ARSA: variants seen among roughly 807,000 people sequenced by gnomAD.
ARSA encodes the protein arylsulfatase A.
In ARSA, 32 loss-of-function variants were observed where a neutral mutation model predicts 37.8. The observed-to-expected ratio is 0.85, with a 90% confidence interval of 0.64 to 1.14. The LOEUF is 1.14. Ranked by LOEUF, ARSA falls within the 50% of genes most tolerant of loss-of-function variation. The pLI is 0.00. For synonymous variants in ARSA, 303 were observed against 303.4 expected (o/e 1.00, Z 0.01); for missense variants, 685 against 686.3 (o/e 1.00, Z 0.02).
At chr22:50,625,893 G>C (rs1350691275) in intron 6 of ARSA, 43 bp downstream of exon 6, 2 of 1,562,220 alleles carry the variant, frequency 1.3e-6, no homozygotes, top group East Asian at 4.7e-5. Context: ...GGGAAGGCCA[G>C]GACAGGGGCC....
At position 50,627,356 on chromosome 22, in the gene ARSA, C is replaced by T. The variant is rs746410262; in HGVS notation, c.275G>A (p.Gly92Asp). The T allele has an allele frequency of 2.5e-6, 4 of 1,600,576 alleles. No individual in the cohort carries two copies. The highest frequency in any genetic ancestry group is 1.3e-5 in the African/African-American group (1 of 74,788). The change falls in exon 2 of 8, where the codon GGC becomes GAC. Residue 92 changes from glycine (G) to aspartate (D), a missense_variant. Gly to Asp is a moderately conservative substitution (Grantham distance 94, BLOSUM62 -1). Transcript: ENST00000216124. Reference protein sequence around the residue: ...RLPVRMGMYPGVLVPSSRGGL... With the variant: ...RLPVRMGMYPDVLVPSSRGGL... ...CCCCCGGGAGCTGGGCACCAGGACGCCAGGGTACATGCCCATCCGAACCGG... is the reference window on the plus strand; with the variant it reads ...CCCCCGGGAGCTGGGCACCAGGACGTCAGGGTACATGCCCATCCGAACCGG...
chr22:50,627,601 C>T lies in ARSA; in HGVS notation c.179G>A (p.Arg60Gln). The T allele has an allele frequency of 6.4e-7, 1 of 1,563,266 alleles. No individual in the cohort carries two copies. The highest frequency in any genetic ancestry group is 8.7e-7 in the Non-Finnish European group (1 of 1,153,422). The part of the protein sequence containing the change: ...NLDQLAAGGL[R>Q]FTDFYVPVSL... ...CACAGGCACGTAGAAGTCTGTGAAC[C>T]GCAGCCCTCCCGCCGCCAGCTGGTC... Residue 60 changes from arginine (R) to glutamine (Q), a missense_variant, in exon 1 of 8, where the codon CGG (arginine) becomes CAG (glutamine). Physicochemically the swap from Arg to Gln is conservative, Grantham distance 43. Transcript: ENST00000216124.
chr22:50,625,522 T>G, intron 7 of ARSA, 57 bp downstream of exon 7: 1 of 1,605,294 alleles, frequency 6.2e-7, no homozygotes. Context: ...GCCAGGGATC[T>G]AGGGCTCCGG....
In ARSA at chr22:50,625,310, C is replaced by T. The variant is rs1230832554; in HGVS notation, c.1365G>A (p.Leu455=). The part of the protein sequence containing the change: ...GGVAGATPEV[L]QALKQLQLLK... ...GCAGCTGAAGCTGTTTCAGGGCTTG[C>T]AGCACCTCTGGGGTGGCCCCGGCCA... is the stretch of plus-strand genomic sequence containing the variant. The change falls in exon 8 of 8, where the codon CTG becomes CTA. Residue 455 remains leucine (L), a synonymous_variant. Coordinates refer to ENST00000216124, the MANE Select transcript of ARSA (RefSeq NM_000487.6). The T allele has an allele frequency of 1.2e-6, 2 of 1,612,878 alleles. No individual in the cohort carries two copies. Among genetic ancestry groups the T allele is most frequent in the Non-Finnish European group, 1.7e-6 (2 of 1,179,916 alleles).
In ARSA at chr22:50,627,227, G is replaced by A; in HGVS notation, c.404C>T (p.Ala135Val). 2 of 1,609,342 alleles carry A rather than the reference G, an allele frequency of 1.2e-6. No homozygotes were observed. The highest frequency in any genetic ancestry group is 1.7e-6 in the Non-Finnish European group (2 of 1,178,226). ...GAAGCCCTGATGGGGGGGCAGGAAGGCCCCCTCAGGCCCCACCCCAAGGTG... is the reference window on the plus strand; with the variant it reads ...GAAGCCCTGATGGGGGGGCAGGAAGACCCCCTCAGGCCCCACCCCAAGGTG... ...KWHLGVGPEGAFLPPHQGFHR... is the reference protein window; with the variant it reads ...KWHLGVGPEGVFLPPHQGFHR... The change falls in exon 2 of 8, where the codon GCC (alanine) becomes GTC (valine). Residue 135 changes from alanine to valine, a missense_variant. Coordinates refer to ENST00000216124, the MANE Select transcript of ARSA (RefSeq NM_000487.6).
At chr22:50,626,469 C>T (rs752110838) in intron 4 of ARSA, 122 bp downstream of exon 4, 92 of 1,514,370 alleles carry the variant, frequency 6.1e-5, no homozygotes, top group Non-Finnish European at 7.3e-5. Flanking sequence ...GCCCCTGCAA[C>T]GTGGCCAGCA....
At position 50,627,312 on chromosome 22, in the gene ARSA, C is replaced by T; in HGVS notation, c.319G>A (p.Val107Met). The T allele has an allele frequency of 6.3e-7, 1 of 1,588,460 alleles. No homozygotes were observed. Among genetic ancestry groups the T allele is most frequent in the South Asian group, 1.1e-5 (1 of 88,348 alleles). The change falls in exon 2 of 8, where the codon GTG becomes ATG. Residue 107 changes from valine to methionine, a missense_variant. By Grantham distance (21) the Val-to-Met change is conservative. Coordinates refer to ENST00000216124, the MANE Select transcript of ARSA (RefSeq NM_000487.6). ...SSRGGLPLEE[V>M]TVAEVLAARG... ...GCAGCCAGGACTTCGGCCACGGTCA[C>T]CTCCTCCAGGGGCAGGCCCCCCCGG... is the stretch of plus-strand genomic sequence containing the variant.
Position 50,625,443 on chromosome 22 carries a change from GTGGTATCAC to G in ARSA, c.1223_1231del (p.Ser408_Thr410del), listed in dbSNP as rs765905826. On this transcript the variant is annotated inframe_deletion, in exon 8 of 8. Coordinates refer to ENST00000216124, the MANE Select transcript of ARSA (RefSeq NM_000487.6). ...GGAGGCGTGGCAGGCAGGGTCTGCAGTGGTATCACTGTGGGCAGAGCCTGGGGAGGGGGC... is the reference window on the plus strand; with the variant it reads ...GGAGGCGTGGCAGGCAGGGTCTGCAGTGTGGGCAGAGCCTGGGGAGGGGGC... 2.5e-6 allele frequency: 4 copies of G among 1,600,116 alleles called. No homozygotes were observed. The highest frequency in any genetic ancestry group is 1.7e-5 in the Admixed American group (1 of 59,536).
intron 6 of ARSA, 58 bp from the exon 7 acceptor site, chr22:50,625,739 G>T: frequency 6.3e-7 from 1 of 1,582,362 alleles, no homozygotes. Context: ...GCACATACCT[G>T]GGGCTGCCAG....
chr22:50,626,083 C>G lies in ARSA; in HGVS notation c.980-20G>C. ...TCACGCCTGGGGGCAGGAGGCTGGT[C>G]AGTCACTCAGTTCGCCATCAAGGTT... On this transcript the variant is annotated intron_variant, in intron 5 of 7. Transcript: ENST00000216124. 6.3e-7 allele frequency: 1 copy of G among 1,598,900 alleles called. No homozygotes were observed. The highest frequency in any genetic ancestry group is 1.8e-5 in the Admixed American group (1 of 56,366).
In ARSA at chr22:50,626,177, A is replaced by C. The variant is rs1282706888; in HGVS notation, c.956T>G (p.Phe319Cys). The C allele has an allele frequency of 1.2e-6, 2 of 1,607,752 alleles. No homozygotes were observed. The highest frequency in any genetic ancestry group is 2.2e-5 in the East Asian group (1 of 44,582). Residue 319 changes from phenylalanine to cysteine, a missense_variant, in exon 5 of 8, where the codon TTC becomes TGC. Transcript: ENST00000216124. ...ACCGGGAGCGATATGACCTGGCCAG[A>C]AGGCCAAGGCAGGCTCTCGGACACC... ...EGGVREPALA[F>C]WPGHIAPGVT... is the part of the protein sequence containing the mutation.
At chr22:50,626,311 G>A in intron 4 of ARSA, 33 bp from the exon 5 acceptor site, 3 of 1,605,740 alleles carry the variant, frequency 1.9e-6, no homozygotes, top group Non-Finnish European at 2.5e-6. Context: ...GAGCCATGGA[G>A]CCACAGCCTC....
In ARSA at chr22:50,624,551, G is replaced by T. The variant is rs2082632685; in HGVS notation, c.*594C>A. Among the ~76,000 whole-genome samples, 1 of 152,136 alleles carries T rather than the reference G, an allele frequency of 6.6e-6. No individual in the cohort carries two copies. Among genetic ancestry groups the T allele is most frequent in the South Asian group, 2.1e-4 (1 of 4,836 alleles). ...GCTGTGCCTTCCTAGGAGCCAGCAGGGGCTCCAGGCCCCTTAGCCCCACCT... is the reference window on the plus strand; with the variant it reads ...GCTGTGCCTTCCTAGGAGCCAGCAGTGGCTCCAGGCCCCTTAGCCCCACCT... On this transcript the variant is annotated 3_prime_UTR_variant, in exon 8 of 8. Coordinates refer to ENST00000216124, the MANE Select transcript of ARSA (RefSeq NM_000487.6).
rs2082689355 is a variant in ARSA, at chr22:50,627,256, C to G, written c.375G>C (p.Lys125Asn). 6.2e-7 allele frequency: 1 copy of G among 1,603,212 alleles called. No homozygotes were observed. ...CCTCAGGCCCCACCCCAAGGTGCCA[C>G]TTGCCGGCCATTCCTGTGAGGTAGC... is the stretch of plus-strand genomic sequence containing the variant. ...ARGYLTGMAG[K>N]WHLGVGPEGA... The change falls in exon 2 of 8, where the codon AAG (lysine) becomes AAC (asparagine). Residue 125 changes from lysine (K) to asparagine (N), a missense_variant. By Grantham distance (94) the Lys-to-Asn change is moderately conservative. Coordinates refer to ENST00000216124, the MANE Select transcript of ARSA (RefSeq NM_000487.6).
rs745605987 is a variant in ARSA at position 50,627,026 on chromosome 22, G to C, written c.492C>G (p.Phe164Leu). 10 of 1,609,360 alleles carry C rather than the reference G, an allele frequency of 6.2e-6. No homozygotes were observed. In the African/African-American group the frequency reaches 1.1e-4, roughly 17 times the overall value. ...DQGPCQNLTCFPPATPCDGGC... is the reference protein window; with the variant it reads ...DQGPCQNLTCLPPATPCDGGC... ...CACCGTCGCAAGGAGTGGCCGGCGG[G>C]AAGCAGGTCAGGTTCTGGCAGGGGC... Residue 164 changes from phenylalanine (F) to leucine (L), a missense_variant, in exon 3 of 8, where the codon TTC becomes TTG. Transcript: ENST00000216124.
chr22:50,624,976 G>A lies in ARSA; in HGVS notation c.*169C>T. ...TCAGTTTCCTCATTCGTACCACAGGGGACCGGCACCAGCACACAGCATTAC... is the reference window on the plus strand; with the variant it reads ...TCAGTTTCCTCATTCGTACCACAGGAGACCGGCACCAGCACACAGCATTAC... On this transcript the variant is annotated 3_prime_UTR_variant, in exon 8 of 8. Coordinates refer to ENST00000216124, the MANE Select transcript of ARSA (RefSeq NM_000487.6). The A allele has an allele frequency of 1.3e-6, 1 of 795,028 alleles. No individual in the cohort carries two copies. Among genetic ancestry groups the A allele is most frequent in the Non-Finnish European group, 1.9e-6 (1 of 525,814 alleles). The allele number at this position is 795,028 out of a possible 1,614,324, so 49.2% of individuals were successfully genotyped here.
In ARSA at chr22:50,624,911, G is replaced by C; in HGVS notation, c.*234C>G. On this transcript the variant is annotated 3_prime_UTR_variant, in exon 8 of 8. Transcript: ENST00000216124. The stretch of plus-strand genomic sequence containing the variant: ...TCAAATCCCAGCCCAACCTCTTTCT[G>C]GCTGGGTGATCTTGTACAAGTCCTG... The C allele has an allele frequency of 1.8e-6, 1 of 550,226 alleles. No individual in the cohort carries two copies. The highest frequency in any genetic ancestry group is 3.1e-5 in the East Asian group (1 of 31,906). 34.1% of individuals were successfully genotyped at this position (550,226 alleles called of 1,614,324 possible). A position where few individuals can be genotyped will look rare whatever the true frequency, so the allele number is the denominator to read the frequency against.
In ARSA at chr22:50,625,052, C is replaced by T. The variant is rs942357377; in HGVS notation, c.*93G>A. 37 of 1,360,106 alleles carry T rather than the reference C, an allele frequency of 2.7e-5. 1 individual carries two copies. The Admixed American group carries it at 4.8e-4, about 18-fold the overall frequency. 84.3% of individuals were successfully genotyped at this position (1,360,106 alleles called of 1,614,324 possible). A position where few individuals can be genotyped will look rare whatever the true frequency, so the allele number is the denominator to read the frequency against. ...CTGCAAGTCTCCACTGGTGTTATTA[C>T]GTTATCAGGCACAAACCCCCTCCAG... On this transcript the variant is annotated 3_prime_UTR_variant, in exon 8 of 8. Coordinates refer to ENST00000216124, the MANE Select transcript of ARSA (RefSeq NM_000487.6).
At position 50,627,148 on chromosome 22, in the gene ARSA, G is replaced by GA; in HGVS notation, c.465+17_465+18insT. ...TTTGGGAGGTGGGAGGGTGGCTGAG[G>GA]GCCCGGGTGGTTCCTACCTGGTCGT... On this transcript the variant is annotated intron_variant, in intron 2 of 7. Transcript: ENST00000216124. 1.2e-6 allele frequency: 2 copies of GA among 1,602,128 alleles called. No individual in the cohort carries two copies. The highest frequency in any genetic ancestry group is 3.4e-5 in the Admixed American group (2 of 59,582).
Sources: allele counts gnomAD v4.1 joint callset (sites outside exome capture counted in the v4.1 genomes callset), GRCh38; gene constraint gnomAD v4.1.1; transcripts MANE v1.5; gene names NCBI Gene and HGNC (gene_info 2026-07-23, HGNC 2026-07-21).